The following FOXP2 variants were observed in gnomAD, a reference collection of about 807,000 sequenced individuals.
The protein encoded by FOXP2 is forkhead box protein P2.
A neutral mutation model predicts 115.8 loss-of-function variants in FOXP2; 12 were observed. That is an observed-to-expected ratio of 0.10 (90% CI 0.07 to 0.17). The LOEUF (loss-of-function observed/expected upper bound fraction) is 0.17, where lower values mean the gene tolerates loss of function less well. Among genes scored for constraint, FOXP2 ranks in the 10% least tolerant of loss-of-function variants. The probability of loss-of-function intolerance (pLI) is 1.00; values close to 1 mark genes in which losing one functional copy is unlikely to be tolerated. For synonymous variants in FOXP2, 328 were observed against 297.7 expected, an observed-to-expected ratio of 1.10 and a Z score of -1.05; for missense variants, 629 against 843.5, an observed-to-expected ratio of 0.75 and a Z score of 3.15.
Position 114,274,897 on chromosome 7 carries a change from C to T in FOXP2, c.-101-13122C>T, listed in dbSNP as rs147270300. ...CTGGAACTCCTAGTCTCAAGCAATC[C>T]GCTCACCTCAGCCTCACAAAGTGAT... On this transcript the variant is annotated intron_variant, in intron 1 of 17. Transcript: ENST00000634411. 8.4e-3 allele frequency among the ~76,000 whole-genome samples: 1,276 copies of T among 151,862 alleles called. 14 individuals are homozygous for T. Among genetic ancestry groups the T allele is most frequent in the Non-Finnish European group, 9.9e-3 (671 of 67,938 alleles).
intron 3 of FOXP2, among the ~76,000 whole-genome samples, chr7:114,551,081 C>T (rs984007844): frequency 6.6e-6 from 1 of 152,070 alleles, no homozygotes; most frequent in African/African-American, 2.4e-5. Flanking sequence ...AAAAGCTAAT[C>T]CACAGAATTT....
At chr7:114,420,940 A>T (rs1476188475) in intron 1 of FOXP2, among the ~76,000 whole-genome samples, 3 of 151,848 alleles carry the variant, frequency 2.0e-5, no homozygotes, top group South Asian at 2.1e-4. Flanking sequence ...AATTATATGA[A>T]TGTGAAGACA....
intron 2 of FOXP2, among the ~76,000 whole-genome samples, chr7:114,322,732 C>T (rs1481547850): frequency 6.6e-6 from 1 of 152,140 alleles, no homozygotes; most frequent in Non-Finnish European, 1.5e-5. Context: ...TACTTTATCT[C>T]ATACAAACCT....
rs1260672587 is a variant in FOXP2 at position 114,658,046 on chromosome 7, C to G, written c.1267-20C>G. The G allele has an allele frequency of 1.2e-6, 2 of 1,613,360 alleles. No individual in the cohort carries two copies. The highest frequency in any genetic ancestry group is 4.5e-5 in the East Asian group (2 of 44,864). On this transcript the variant is annotated intron_variant, in intron 10 of 16. Coordinates refer to ENST00000350908, the MANE Select transcript of FOXP2 (RefSeq NM_014491.4). ...CTCTTGTCTCTACCTTTTTCCTGCC[C>G]TTCTCTTGGGCCTTTGCAGCTAAAT...
At chr7:114,258,971 T>C (rs1193855265) in intron 1 of FOXP2, among the ~76,000 whole-genome samples, 1 of 152,174 alleles carries the variant, frequency 6.6e-6, no homozygotes, top group Non-Finnish European at 1.5e-5. Flanking sequence ...AATATTATAG[T>C]CTTATTTAGT....
chr7:114,358,101 C>G (rs1791657899), intron 2 of FOXP2, among the ~76,000 whole-genome samples: 1 of 152,156 alleles, frequency 6.6e-6, no homozygotes, highest in African/African-American at 2.4e-5. Context: ...GTAATTGAAT[C>G]ATGAGGGCAG....
chr7:114,220,079 C>G (rs1437377349), intron 1 of FOXP2, among the ~76,000 whole-genome samples: 1 of 151,146 alleles, frequency 6.6e-6, no homozygotes, highest in African/African-American at 2.4e-5. Context: ...CCATGTTGGC[C>G]AGGATGGACT....
chr7:114,144,073 G>C lies in FOXP2; in HGVS notation c.-246-18871G>C, dbSNP rs979410248. Among the ~76,000 whole-genome samples the C allele has an allele frequency of 4.6e-5, 7 of 152,132 alleles. No individual in the cohort carries two copies. In the East Asian group the frequency reaches 9.7e-4, roughly 21 times the overall value. ...AACACTTTATTATAAAACAGACTCAGGGTTAGATGATTTTGCCCATCTGCA... is the reference window on the plus strand; with the variant it reads ...AACACTTTATTATAAAACAGACTCACGGTTAGATGATTTTGCCCATCTGCA... On this transcript the variant is annotated intron_variant, in intron 1 of 19. Transcript: ENST00000635638.
Position 114,689,323 on chromosome 7 carries a change from TA to T in FOXP2, c.2004-450del, listed in dbSNP as rs367567433. The stretch of plus-strand genomic sequence containing the variant: ...CCAATCTAGCTTATACTGGAGAGTT[TA>T]AAAAAAAATAGAAATAAAATTGTTA... On this transcript the variant is annotated intron_variant, in intron 16 of 16. Coordinates refer to ENST00000350908, the MANE Select transcript of FOXP2 (RefSeq NM_014491.4). 9.2e-4 allele frequency among the ~76,000 whole-genome samples: 139 copies of T among 151,398 alleles called. 1 individual carries two copies. The East Asian group carries it at 0.025, about 27-fold the overall frequency.
At chr7:114,616,078 C>G (rs370862705) in intron 3 of FOXP2, among the ~76,000 whole-genome samples, 2 of 152,100 alleles carry the variant, frequency 1.3e-5, no homozygotes, top group Admixed American at 6.6e-5. Flanking sequence ...AGGACAGGAA[C>G]CTTTTATGTC....
chr7:114,665,997 C>A (rs1585009313), intron 16 of FOXP2: 1 of 151,934 alleles, frequency 6.6e-6, no homozygotes. Flanking sequence ...TTGGCAATTG[C>A]TACTTCAGAT....
chr7:114,303,436 T>C (rs1279439935), intron 2 of FOXP2, among the ~76,000 whole-genome samples: 1 of 152,200 alleles, frequency 6.6e-6, no homozygotes, highest in Non-Finnish European at 1.5e-5. Context: ...TTGAAAGTCA[T>C]TGAGTGATGT....
intron 2 of FOXP2, among the ~76,000 whole-genome samples, chr7:114,476,016 A>G (rs1796242477): frequency 6.6e-6 from 1 of 151,804 alleles, no homozygotes; most frequent in Non-Finnish European, 1.5e-5. Context: ...ATCTATATCA[A>G]TTCAATATCA....
intron 2 of FOXP2, among the ~76,000 whole-genome samples, chr7:114,446,633 A>C (rs528360162): frequency 6.6e-6 from 1 of 152,252 alleles, no homozygotes; most frequent in Non-Finnish European, 1.5e-5. Flanking sequence ...TCCCATTAAA[A>C]GATATGCCAG....
At chr7:114,438,371 A>T (rs1488805358) in intron 2 of FOXP2, among the ~76,000 whole-genome samples, 1 of 152,190 alleles carries the variant, frequency 6.6e-6, no homozygotes, top group Admixed American at 6.5e-5. Context: ...AAGCACTGAT[A>T]CACATCACCC....
intron 1 of FOXP2, among the ~76,000 whole-genome samples, chr7:114,091,358 T>A (rs1402215770): frequency 6.6e-6 from 1 of 151,884 alleles, no homozygotes; most frequent in Non-Finnish European, 1.5e-5. Flanking sequence ...AATTATAAAG[T>A]AAATTTAAGG....
At chr7:114,127,611 T>C (rs1284029147) in intron 1 of FOXP2, among the ~76,000 whole-genome samples, 3 of 152,128 alleles carry the variant, frequency 2.0e-5, no homozygotes, top group Non-Finnish European at 2.9e-5. Flanking sequence ...AGGTATTAGA[T>C]TGATGAAGTA....
chr7:114,674,383 C>G (rs1242721288), intron 16 of FOXP2, among the ~76,000 whole-genome samples: 1 of 152,072 alleles, frequency 6.6e-6, no homozygotes, highest in Non-Finnish European at 1.5e-5. Flanking sequence ...TTTTGAATCC[C>G]CTTTTCATAA....
At chr7:114,225,035 CA>C (rs1018154534) in intron 1 of FOXP2, among the ~76,000 whole-genome samples, 13 of 152,092 alleles carry the variant, frequency 8.5e-5, no homozygotes, top group African/African-American at 3.1e-4. Flanking sequence ...AACTCTCCTG[CA>C]TTTTGTGATT....
Sources: gnomAD v4.1 joint callset for allele counts (sites outside exome capture counted in the v4.1 genomes callset) on GRCh38, gnomAD v4.1.1 for gene constraint, MANE v1.5 for transcripts, NCBI Gene and HGNC (gene_info 2026-07-23, HGNC 2026-07-21) for gene names.